PLD5: variants seen among roughly 807,000 people sequenced by gnomAD.
PLD5 encodes the protein phospholipase D family member 5, also known as inactive phospholipase D5.
Under a neutral mutation model 61.1 loss-of-function variants are expected in PLD5, and 36 were observed. The observed-to-expected ratio is 0.59, with a 90% confidence interval of 0.45 to 0.78. PLD5 has a LOEUF of 0.78. Among genes scored for constraint, PLD5 ranks in the 30% least tolerant of loss-of-function variants. PLD5 has a pLI of 0.00. For missense variants in PLD5, 515 were observed against 644.4 expected (o/e 0.80, Z 2.17); for synonymous variants, 243 against 242.8 (o/e 1.00, Z -0.01).
chr1:242,150,424 TG>T (rs1242153165), intron 5 of PLD5, among the ~76,000 whole-genome samples: 1 of 151,842 alleles, frequency 6.6e-6, no homozygotes, highest in East Asian at 1.9e-4. Context: ...GTTATAATTG[TG>T]GGTTTGTTTA....
chr1:242,206,054 T>C (rs1407620173), intron 5 of PLD5, among the ~76,000 whole-genome samples: 1 of 152,148 alleles, frequency 6.6e-6, no homozygotes, highest in African/African-American at 2.4e-5. Flanking sequence ...TTGTCAGAAA[T>C]AGCAGCTATG....
chr1:242,137,293 G>A (rs1228422795), intron 5 of PLD5, among the ~76,000 whole-genome samples: 1 of 152,154 alleles, frequency 6.6e-6, no homozygotes, highest in Admixed American at 6.5e-5. Context: ...AAAATCCCCA[G>A]TAACCCTTTA....
chr1:242,159,858 T>C (rs1396991074), intron 5 of PLD5, among the ~76,000 whole-genome samples: 2 of 152,224 alleles, frequency 1.3e-5, no homozygotes, highest in African/African-American at 4.8e-5. Context: ...CAATTATTTT[T>C]GTGACAACTT....
At chr1:242,217,855 T>C (rs1670311748) in intron 5 of PLD5, among the ~76,000 whole-genome samples, 1 of 151,780 alleles carries the variant, frequency 6.6e-6, no homozygotes, top group Non-Finnish European at 1.5e-5. Context: ...GTATGAGGAG[T>C]TGCTTCTTAT....
chr1:242,417,450 AT>A (rs137998985), intron 1 of PLD5, among the ~76,000 whole-genome samples: 9,954 of 152,258 alleles, frequency 0.065, 407 homozygotes, highest in African/African-American at 0.11. Context: ...TGTTCTAGAA[AT>A]TTCTGCATAA....
chr1:242,448,212 T>C (rs561886296), intron 1 of PLD5, among the ~76,000 whole-genome samples: 1 of 152,122 alleles, frequency 6.6e-6, no homozygotes, highest in Non-Finnish European at 1.5e-5. Context: ...TGTGTCCCTA[T>C]GAATGAATGA....
At chr1:242,171,920 G>C (rs528586059) in intron 5 of PLD5, among the ~76,000 whole-genome samples, 1 of 152,248 alleles carries the variant, frequency 6.6e-6, no homozygotes, top group East Asian at 1.9e-4. Context: ...CCTACAAAGA[G>C]ACAAAGACTC....
rs536415074 is a variant in PLD5 at position 242,348,328 on chromosome 1, A to G, written c.190-86T>C. 40 of 1,412,604 alleles carry G rather than the reference A, an allele frequency of 2.8e-5. No homozygotes were observed. In the East Asian group the frequency reaches 9.3e-4, roughly 33 times the overall value. The allele number at this position is 1,412,604 out of a possible 1,614,324, so 87.5% of individuals were successfully genotyped here. On this transcript the variant is annotated intron_variant, in intron 1 of 9. Coordinates refer to ENST00000536534, the MANE Select transcript of PLD5 (RefSeq NM_001372062.1). ...AGAAGTGACAACTTCTCAACATTCC[A>G]TGAAAAATGGGTGGGGATACGATTA... is the stretch of plus-strand genomic sequence containing the variant.
At chr1:242,429,201 A>G in intron 1 of PLD5, among the ~76,000 whole-genome samples, 1 of 152,202 alleles carries the variant, frequency 6.6e-6, no homozygotes, top group Non-Finnish European at 1.5e-5. Flanking sequence ...CTCAAAGCCA[A>G]ACAGAATTTC....
At chr1:242,512,876 C>CT (rs879410650) in intron 1 of PLD5, among the ~76,000 whole-genome samples, 2,225 of 132,436 alleles carry the variant, frequency 0.017, 64 homozygotes, top group African/African-American at 0.057. Context: ...TTTATTTTTT[C>CT]TTTTTTTTTT....
intron 5 of PLD5, among the ~76,000 whole-genome samples, chr1:242,198,180 ATT>A (rs1226772749): frequency 2.0e-5 from 3 of 152,208 alleles, no homozygotes; most frequent in African/African-American, 7.2e-5. Flanking sequence ...GGCCAAGTGT[ATT>A]TTAGAGATGT....
chr1:242,098,683 CATGGTTTTATCTACGTTTGGTCTTTGATG>C (rs1660448609), intron 9 of PLD5, among the ~76,000 whole-genome samples: 1 of 152,136 alleles, frequency 6.6e-6, no homozygotes, highest in South Asian at 2.1e-4. Context: ...TCCCCATCTT[CATGGTTTTATCTACGTTTGGTCTTTGATG>C]ATGGTGACGT....
chr1:242,479,902 T>A (rs1297071025), intron 1 of PLD5, among the ~76,000 whole-genome samples: 1 of 146,902 alleles, frequency 6.8e-6, no homozygotes, highest in Non-Finnish European at 1.5e-5. Context: ...AAAAAAAAAA[T>A]TCACCAGGCA....
At chr1:242,354,727 C>T (rs1298854125) in intron 1 of PLD5, among the ~76,000 whole-genome samples, 2 of 151,582 alleles carry the variant, frequency 1.3e-5, no homozygotes, top group Non-Finnish European at 2.9e-5. Context: ...TGAAAGGGCT[C>T]TAATTTTTCA....
At chr1:242,475,201 ACACACC>A (rs921182755) in intron 1 of PLD5, among the ~76,000 whole-genome samples, 26 of 152,360 alleles carry the variant, frequency 1.7e-4, no homozygotes, top group African/African-American at 5.5e-4. Context: ...GCGCACGCAC[ACACACC>A]CACAGAGGGG....
At chr1:242,411,159 C>A (rs967412205) in intron 1 of PLD5, among the ~76,000 whole-genome samples, 1 of 152,164 alleles carries the variant, frequency 6.6e-6, no homozygotes, top group Admixed American at 6.5e-5. Flanking sequence ...CACCTTCCAA[C>A]TCTAATTGAT....
intron 8 of PLD5, among the ~76,000 whole-genome samples, chr1:242,102,532 C>G (rs1444197819): frequency 6.6e-6 from 1 of 152,188 alleles, no homozygotes; most frequent in Non-Finnish European, 1.5e-5. Flanking sequence ...AGTCTTTTCT[C>G]TTTTCATGAG....
rs187193799 is a variant in PLD5 at position 242,394,443 on chromosome 1, T to A, written c.190-46201A>T. 1.2e-3 allele frequency among the ~76,000 whole-genome samples: 121 copies of A among 103,364 alleles called. 8 individuals are homozygous for A. The highest frequency in any genetic ancestry group is 9.0e-3 in the East Asian group (30 of 3,346). 67.8% of individuals were successfully genotyped at this position (103,364 alleles called of 152,430 possible). A position where few individuals can be genotyped will look rare whatever the true frequency, so the allele number is the denominator to read the frequency against. On this transcript the variant is annotated intron_variant, in intron 1 of 9. Transcript: ENST00000536534. ...ATATGTGTGTATATGAGTATATATG[T>A]GTGTATATGAGTATATATGTGAACA...
intron 5 of PLD5, among the ~76,000 whole-genome samples, chr1:242,159,129 A>T (rs1481439423): frequency 6.6e-6 from 1 of 152,150 alleles, no homozygotes; most frequent in Non-Finnish European, 1.5e-5. Flanking sequence ...CATGACTTTA[A>T]GGAAAGATGG....
Sources: gnomAD v4.1 joint callset for allele counts (sites outside exome capture counted in the v4.1 genomes callset) on GRCh38, gnomAD v4.1.1 for gene constraint, MANE v1.5 for transcripts, NCBI Gene and HGNC (gene_info 2026-07-23, HGNC 2026-07-21) for gene names.